RPS6KC1: variants seen among roughly 807,000 people sequenced by gnomAD.
RPS6KC1 encodes ribosomal protein S6 kinase C1, also known as inactive ribosomal protein S6 kinase delta-1.
RPS6KC1 carries 54 observed loss-of-function variants against 103.8 expected under a neutral mutation model. The ratio of observed to expected loss-of-function variants is 0.52; its 90% CI spans 0.42 to 0.65. The LOEUF is 0.65. Ranked by LOEUF, RPS6KC1 falls within the 30% of genes least tolerant of loss-of-function variation. The pLI is 0.00. For missense variants in RPS6KC1, 1,151 were observed against 1,253.8 expected, an observed-to-expected ratio of 0.92 and a Z score of 1.24; for synonymous variants, 439 against 438.7, an observed-to-expected ratio of 1.00 and a Z score of -0.01.
At chr1:213,418,898 G>A in the RPS6KC1 span, among the ~76,000 whole-genome samples, 3 of 152,202 alleles carry the variant, frequency 2.0e-5, no homozygotes, top group African/African-American at 4.8e-5. Context: ...CAGGTGGCTC[G>A]GCTGCCAGGC....
chr1:213,499,483 G>A, the RPS6KC1 span, among the ~76,000 whole-genome samples: 3 of 152,178 alleles, frequency 2.0e-5, no homozygotes, highest in East Asian at 1.9e-4. Context: ...ATCAGGCATA[G>A]TTAGAGTCTC....
the RPS6KC1 span, among the ~76,000 whole-genome samples, chr1:213,581,762 T>C: frequency 7.7e-4 from 117 of 152,290 alleles, no homozygotes; most frequent in African/African-American, 2.5e-3. Flanking sequence ...TACTGCTGTC[T>C]ACTTCAGTTT....
chr1:213,824,037 A>G, the RPS6KC1 span, among the ~76,000 whole-genome samples: 3 of 152,166 alleles, frequency 2.0e-5, no homozygotes, highest in African/African-American at 7.2e-5. Flanking sequence ...CTATCCATAG[A>G]AAGTCCCAGT....
At chr1:213,403,504 C>A in the RPS6KC1 span, among the ~76,000 whole-genome samples, 1 of 152,144 alleles carries the variant, frequency 6.6e-6, no homozygotes, top group Non-Finnish European at 1.5e-5. Context: ...ACCTTGCCCA[C>A]GTCTTTAAAA....
At chr1:213,180,627 T>G (rs2092207220) in intron 8 of RPS6KC1, among the ~76,000 whole-genome samples, 1 of 152,138 alleles carries the variant, frequency 6.6e-6, no homozygotes, top group South Asian at 2.1e-4. Flanking sequence ...ATTTACATAG[T>G]CTTTGTGTAG....
chr1:213,238,383 G>A (rs909978233), intron 10 of RPS6KC1, among the ~76,000 whole-genome samples: 3 of 152,142 alleles, frequency 2.0e-5, no homozygotes, highest in African/African-American at 7.2e-5. Flanking sequence ...TTGAGTAGGG[G>A]GAGAGGACCA....
rs1005593756 is a variant in RPS6KC1 at position 213,230,501 on chromosome 1, T to C, written c.1049T>C (p.Leu350Ser). The stretch of plus-strand genomic sequence containing the variant: ...TTACTCGTGTCTTTTATGTAGGTTT[T>C]ACTTGTAATGGACACAAGGACAGAA... Reference protein sequence around the residue: ...FRVLGVIDKVLLVMDTRTEQT... With the variant: ...FRVLGVIDKVSLVMDTRTEQT... Residue 350 changes from leucine to serine, a missense_variant, in exon 9 of 15, where the codon TTA becomes TCA. This residue lies in a region of RPS6KC1 where 959 missense variants were observed against 1,006.3 expected (regional missense o/e 0.95). Transcript: ENST00000366960. 6 of 1,601,484 alleles carry C rather than the reference T, an allele frequency of 3.7e-6. No homozygotes were observed. The highest frequency in any genetic ancestry group is 5.1e-6 in the Non-Finnish European group (6 of 1,171,838).
the RPS6KC1 span, among the ~76,000 whole-genome samples, chr1:213,336,560 C>T: frequency 0.013 from 1,961 of 152,260 alleles, 96 homozygotes; most frequent in East Asian, 0.15. Context: ...GGGGAAATAA[C>T]GATACCTAAC....
the RPS6KC1 span, among the ~76,000 whole-genome samples, chr1:213,496,584 C>A: frequency 6.6e-6 from 1 of 152,038 alleles, no homozygotes; most frequent in Non-Finnish European, 1.5e-5. Flanking sequence ...ATGGTGAAAC[C>A]CCGTCTCTAC....
chr1:213,224,491 G>A (rs1032814579), intron 8 of RPS6KC1, among the ~76,000 whole-genome samples: 7 of 152,130 alleles, frequency 4.6e-5, no homozygotes, highest in Admixed American at 4.6e-4. Context: ...AAAATGAAAG[G>A]GAGAAATACA....
At chr1:213,239,807 A>G (rs377538985) in intron 10 of RPS6KC1, among the ~76,000 whole-genome samples, 1 of 152,126 alleles carries the variant, frequency 6.6e-6, no homozygotes, top group East Asian at 1.9e-4. Context: ...ATTCTTTCTT[A>G]TAATACTGTT....
intron 8 of RPS6KC1, among the ~76,000 whole-genome samples, chr1:213,194,909 A>G (rs966936882): frequency 1.3e-5 from 2 of 152,146 alleles, no homozygotes; most frequent in Admixed American, 6.5e-5. Flanking sequence ...CCTGATGCCA[A>G]AAAGGTTGGT....
At chr1:213,098,357 G>A (rs2081672962) in intron 3 of RPS6KC1, among the ~76,000 whole-genome samples, 1 of 148,224 alleles carries the variant, frequency 6.7e-6, no homozygotes, top group South Asian at 2.1e-4. Context: ...ACTTAGGCTG[G>A]TCTCAAACTC....
chr1:213,432,426 A>G, the RPS6KC1 span, among the ~76,000 whole-genome samples: 1 of 152,248 alleles, frequency 6.6e-6, no homozygotes, highest in East Asian at 1.9e-4. Flanking sequence ...TTAAGTAACC[A>G]CTAGCCTTGT....
At chr1:213,358,365 GGTGTAT>G in the RPS6KC1 span, among the ~76,000 whole-genome samples, 1 of 151,986 alleles carries the variant, frequency 6.6e-6, no homozygotes, top group Non-Finnish European at 1.5e-5. Flanking sequence ...GTCTTGGGAG[GGTGTAT>G]GTGTCAAGGA....
Position 213,051,302 on chromosome 1 carries a change from C to G in RPS6KC1, c.-103C>G, listed in dbSNP as rs976024469. On this transcript the variant is annotated 5_prime_UTR_variant, in exon 1 of 15. Transcript: ENST00000366960. ...GTGGAGCCGCCTTGGAGCCACCGCCCCCTCGCCGCTTCGCCGCTGCGTTGG... is the reference window on the plus strand; with the variant it reads ...GTGGAGCCGCCTTGGAGCCACCGCCGCCTCGCCGCTTCGCCGCTGCGTTGG... 2 of 804,420 alleles carry G rather than the reference C, an allele frequency of 2.5e-6. No individual in the cohort carries two copies. The highest frequency in any genetic ancestry group is 1.7e-5 in the African/African-American group (1 of 57,988). 49.8% of individuals were successfully genotyped at this position (804,420 alleles called of 1,614,324 possible).
chr1:213,241,628 A>G lies in RPS6KC1; in HGVS notation c.2152A>G (p.Ile718Val), dbSNP rs1407637305. 7 of 1,613,796 alleles carry G rather than the reference A, an allele frequency of 4.3e-6. No homozygotes were observed. The highest frequency in any genetic ancestry group is 2.7e-5 in the African/African-American group (2 of 74,912). ...ACCTACTAAGTTTACACAAACTAATATAGGGATAATAGAAAATAAACTCTT... is the reference window on the plus strand; with the variant it reads ...ACCTACTAAGTTTACACAAACTAATGTAGGGATAATAGAAAATAAACTCTT... ...MGPTKFTQTN[I>V]GIIENKLLEA... The change falls in exon 11 of 15, where the codon ATA becomes GTA. Residue 718 changes from isoleucine to valine, a missense_variant. Transcript: ENST00000366960.
At chr1:213,727,068 T>C in the RPS6KC1 span, among the ~76,000 whole-genome samples, 2 of 152,204 alleles carry the variant, frequency 1.3e-5, no homozygotes, top group Non-Finnish European at 1.5e-5. Context: ...GGTCTGGAAG[T>C]GGGGCCCATC....
the RPS6KC1 span, among the ~76,000 whole-genome samples, chr1:213,578,439 G>T: frequency 3.3e-5 from 5 of 152,172 alleles, no homozygotes; most frequent in African/African-American, 1.2e-4. Context: ...CAGAATGGTG[G>T]GTCCACTGAC....
Sources: gnomAD v4.1 joint callset for allele counts (sites outside exome capture counted in the v4.1 genomes callset) on GRCh38, gnomAD v4.1.1 for gene constraint, gnomAD v4.1.1 regional missense constraint, MANE v1.5 for transcripts, NCBI Gene and HGNC (gene_info 2026-07-23, HGNC 2026-07-21) for gene names.